Variants in LPCAT1 observed in about 807,000 individuals in gnomAD.
LPCAT1 encodes the protein 1-acylglycerol-3-phosphate O-acyltransferase.
In LPCAT1, 23 loss-of-function variants were observed where a neutral mutation model predicts 60.9. The ratio of observed to expected loss-of-function variants is 0.38; its 90% CI spans 0.27 to 0.53. LPCAT1 has a LOEUF of 0.53. LPCAT1 is among the 20% of genes least tolerant of loss of function. LPCAT1 has a pLI of 0.82. For missense variants in LPCAT1, 622 were observed against 723.6 expected (o/e 0.86, Z 1.61); for synonymous variants, 340 against 301.1 (o/e 1.13, Z -1.34).
At chr5:1,484,243 C>G (rs1290611348) in intron 5 of LPCAT1, among the ~76,000 whole-genome samples, 1 of 152,266 alleles carries the variant, frequency 6.6e-6, no homozygotes, top group African/African-American at 2.4e-5. Context: ...CAGGAACTTC[C>G]CCGTTCCCAC....
chr5:1,497,255 G>A (rs897372543), intron 2 of LPCAT1, among the ~76,000 whole-genome samples: 4 of 152,244 alleles, frequency 2.6e-5, no homozygotes, highest in Non-Finnish European at 4.4e-5. Flanking sequence ...ATGAGGAGGA[G>A]GAAATCTCCC....
At chr5:1,513,765 C>T (rs978092325) in intron 1 of LPCAT1, among the ~76,000 whole-genome samples, 12 of 143,426 alleles carry the variant, frequency 8.4e-5, no homozygotes, top group African/African-American at 2.6e-4. Context: ...CATTCTCACC[C>T]GTGGGGCGGG....
At position 1,521,627 on chromosome 5, in the gene LPCAT1, T is replaced by G; in HGVS notation, c.135+2083A>C. 1 of 267,862 alleles carries G rather than the reference T, an allele frequency of 3.7e-6. No homozygotes were observed. Among genetic ancestry groups the G allele is most frequent in the Non-Finnish European group, 5.8e-6 (1 of 173,904 alleles). 16.6% of individuals were successfully genotyped at this position (267,862 alleles called of 1,614,324 possible). On this transcript the variant is annotated intron_variant, in intron 1 of 13. Coordinates refer to ENST00000283415, the MANE Select transcript of LPCAT1 (RefSeq NM_024830.5). The surrounding 1 kb of genome is among the most constrained non-coding windows in gnomAD (Gnocchi z 4.3). ...CAGACATCCAGCAGAAACGACTGGA[T>G]GTACAAACACACCTAATTCCTCAGA...
chr5:1,468,505 G>T (rs530573120), intron 12 of LPCAT1, among the ~76,000 whole-genome samples: 4 of 152,292 alleles, frequency 2.6e-5, no homozygotes, highest in Admixed American at 6.5e-5. Flanking sequence ...TGTCCATTTG[G>T]ACATGAGAAC....
At chr5:1,516,633 T>C (rs1038917488) in intron 1 of LPCAT1, among the ~76,000 whole-genome samples, 5 of 118,988 alleles carry the variant, frequency 4.2e-5, no homozygotes, top group South Asian at 2.2e-4. Flanking sequence ...CTTTCTTTCC[T>C]TTTTTTTTTT....
At chr5:1,471,526 T>A (rs1734667797) in intron 11 of LPCAT1, among the ~76,000 whole-genome samples, 1 of 152,132 alleles carries the variant, frequency 6.6e-6, no homozygotes, top group African/African-American at 2.4e-5. Context: ...GGCTGCAGGG[T>A]GTGCCCAGGC....
chr5:1,493,591 G>A (rs1036336207), intron 3 of LPCAT1, among the ~76,000 whole-genome samples: 2 of 152,242 alleles, frequency 1.3e-5, no homozygotes, highest in Admixed American at 6.5e-5. Context: ...AGGACCCGCT[G>A]TGCCCCAGAA....
rs1227720150 is a variant in LPCAT1, at chr5:1,462,517, C to T, written c.*1134G>A. 6.6e-6 allele frequency: 1 copy of T among 152,312 alleles called. No individual in the cohort carries two copies. The highest frequency in any genetic ancestry group is 1.5e-5 in the Non-Finnish European group (1 of 68,106). 9.4% of individuals were successfully genotyped at this position (152,312 alleles called of 1,614,324 possible). A position where few individuals can be genotyped will look rare whatever the true frequency, so the allele number is the denominator to read the frequency against. On this transcript the variant is annotated 3_prime_UTR_variant, in exon 14 of 14. Coordinates refer to ENST00000283415, the MANE Select transcript of LPCAT1 (RefSeq NM_024830.5). Reference sequence around the variant, plus strand: ...CCGCACGGCTGTCACCAGACATCCTCATCACCCTCCGCACCGCACAGCCCA... The same window carrying T: ...CCGCACGGCTGTCACCAGACATCCTTATCACCCTCCGCACCGCACAGCCCA...
chr5:1,498,890 T>A (rs1027108702), intron 2 of LPCAT1, among the ~76,000 whole-genome samples: 3 of 152,170 alleles, frequency 2.0e-5, no homozygotes, highest in Non-Finnish European at 4.4e-5. Context: ...CTCCCGTGCA[T>A]GCACATACAT....
intron 1 of LPCAT1, among the ~76,000 whole-genome samples, chr5:1,508,893 G>A (rs1736266683): frequency 6.6e-6 from 1 of 152,206 alleles, no homozygotes; most frequent in African/African-American, 2.4e-5. Context: ...GCAGCCCCAG[G>A]CCCCAGCATC....
intron 12 of LPCAT1, among the ~76,000 whole-genome samples, chr5:1,470,272 T>A (rs1289205796): frequency 6.6e-6 from 1 of 152,158 alleles, no homozygotes. Context: ...TTACCTGGCC[T>A]CCCGCCCTCC....
In LPCAT1 at chr5:1,521,968, G is replaced by A. The variant is rs1036117308; in HGVS notation, c.135+1742C>T. On this transcript the variant is annotated intron_variant, in intron 1 of 13. Transcript: ENST00000283415. The surrounding 1 kb of genome is among the most constrained non-coding windows in gnomAD (Gnocchi z 4.3). Reference sequence around the variant, plus strand: ...CTTTTGGACAGAACACACCTCAACCGGGGGCTGCAACTATGACAGGGATGA... The same window carrying A: ...CTTTTGGACAGAACACACCTCAACCAGGGGCTGCAACTATGACAGGGATGA... Among the ~76,000 whole-genome samples, 3 of 152,118 alleles carry A rather than the reference G, an allele frequency of 2.0e-5. No homozygotes were observed. The highest frequency in any genetic ancestry group is 7.2e-5 in the African/African-American group (3 of 41,446).
At chr5:1,518,145 G>C (rs1288453975) in intron 1 of LPCAT1, among the ~76,000 whole-genome samples, 1 of 152,252 alleles carries the variant, frequency 6.6e-6, no homozygotes, top group Non-Finnish European at 1.5e-5. Context: ...GGGTCCCACA[G>C]GGTGGGGGAT....
intron 12 of LPCAT1, among the ~76,000 whole-genome samples, chr5:1,467,918 G>T (rs1435430442): frequency 6.6e-6 from 1 of 152,124 alleles, no homozygotes; most frequent in Admixed American, 6.5e-5. Context: ...CTCCGACGGG[G>T]CCGTCGCCCT....
rs1329019786 is a variant in LPCAT1 at position 1,523,765 on chromosome 5, G to A, written c.80C>T (p.Pro27Leu). 6.9e-6 allele frequency: 8 copies of A among 1,155,532 alleles called. No individual in the cohort carries two copies. Among genetic ancestry groups the A allele is most frequent in the South Asian group, 2.6e-5 (1 of 38,616 alleles). 71.6% of individuals were successfully genotyped at this position (1,155,532 alleles called of 1,614,324 possible). The change falls in exon 1 of 14, where the codon CCG (proline) becomes CTG (leucine). Residue 27 changes from proline (P) to leucine (L), a missense_variant. By Grantham distance (98) the Pro-to-Leu change is moderately conservative. Coordinates refer to ENST00000283415, the MANE Select transcript of LPCAT1 (RefSeq NM_024830.5). The surrounding 1 kb of genome is among the most constrained non-coding windows in gnomAD (Gnocchi z 7.1). The part of the protein sequence containing the change: ...GASDARLLAP[P>L]GRNPFVHELR... ...CTCGTGCACGAAGGGGTTCCGCCCC[G>A]GGGGCGCCAGCAGCCGAGCGTCGCT... is the stretch of plus-strand genomic sequence containing the variant.
intron 1 of LPCAT1, among the ~76,000 whole-genome samples, chr5:1,511,055 C>T (rs557642658): frequency 6.6e-5 from 10 of 152,334 alleles, no homozygotes; most frequent in East Asian, 3.9e-4. Context: ...GTCTGAGGGG[C>T]ACTGGCTCTG....
chr5:1,515,328 G>A (rs1332896976), intron 1 of LPCAT1, among the ~76,000 whole-genome samples: 3 of 151,044 alleles, frequency 2.0e-5, no homozygotes, highest in South Asian at 2.1e-4. Flanking sequence ...TTCCTACTCC[G>A]AACTGGCTGC....
rs1212581938 is a variant in LPCAT1 at position 1,474,547 on chromosome 5, A to T, written c.1025+13T>A. The stretch of plus-strand genomic sequence containing the variant: ...TCTAGCTAATGCTCAAGGAAGAAGA[A>T]CCAGGTACTCACCCGAGGCCCCGCA... On this transcript the variant is annotated intron_variant, in intron 10 of 13. Coordinates refer to ENST00000283415, the MANE Select transcript of LPCAT1 (RefSeq NM_024830.5). The T allele has an allele frequency of 5.0e-6, 8 of 1,613,430 alleles. No homozygotes were observed. The highest frequency in any genetic ancestry group is 6.8e-6 in the Non-Finnish European group (8 of 1,179,780).
Position 1,480,380 on chromosome 5 carries a change from G to T in LPCAT1, c.761+562C>A, listed in dbSNP as rs867944418. 1.0e-6 allele frequency: 1 copy of T among 985,126 alleles called. No homozygotes were observed. The highest frequency in any genetic ancestry group is 1.7e-5 in the African/African-American group (1 of 57,176). 61.0% of individuals were successfully genotyped at this position (985,126 alleles called of 1,614,324 possible). ...GAGCTGCTCTCTCTTGGACTTTCCC[G>T]CTCCCTCTGCCCTCCCGACGTCAGC... On this transcript the variant is annotated intron_variant, in intron 7 of 13. Coordinates refer to ENST00000283415, the MANE Select transcript of LPCAT1 (RefSeq NM_024830.5). This position sits in a 1 kb window ranked among gnomAD's most constrained non-coding sequence, Gnocchi z 6.4.
Sources: gnomAD v4.1 joint callset for allele counts (sites outside exome capture counted in the v4.1 genomes callset) on GRCh38, gnomAD v4.1.1 for gene constraint, Gnocchi (gnomAD v3.1) non-coding constraint, MANE v1.5 for transcripts, NCBI Gene and HGNC (gene_info 2026-07-23, HGNC 2026-07-21) for gene names.